Variants in AOPEP observed in about 807,000 individuals in gnomAD.
AOPEP encodes the protein aminopeptidase O.
AOPEP carries 77 observed loss-of-function variants against 98.1 expected under a neutral mutation model. The observed-to-expected ratio is 0.78, with a 90% CI of 0.65 to 0.95. AOPEP has a LOEUF of 0.95. AOPEP is among the 40% of genes least tolerant of loss of function. The probability of loss-of-function intolerance (pLI) is 0.00; values close to 1 mark genes in which losing one functional copy is unlikely to be tolerated. For synonymous variants in AOPEP, 346 were observed against 365.3 expected (o/e 0.95, Z 0.60); for missense variants, 1,024 against 1,024.7 (o/e 1.00, Z 0.01).
chr9:94,891,316 T>TA (rs2048854032), intron 5 of AOPEP, among the ~76,000 whole-genome samples: 1 of 152,226 alleles, frequency 6.6e-6, no homozygotes, highest in Non-Finnish European at 1.5e-5. Flanking sequence ...CCTATGTTGT[T>TA]ACGCTTGAAG....
intron 14 of AOPEP, among the ~76,000 whole-genome samples, chr9:95,076,046 C>T (rs530344400): frequency 5.3e-5 from 8 of 152,342 alleles, no homozygotes; most frequent in South Asian, 2.1e-4. Flanking sequence ...GGGTAGCTAC[C>T]GCTTCCATGG....
the AOPEP span, chr9:95,107,603 G>A: frequency 2.3e-6 from 1 of 431,586 alleles, no homozygotes; most frequent in South Asian, 2.4e-5. Context: ...AAGGCTCCTT[G>A]AAGACTCGCC....
intron 13 of AOPEP, chr9:95,048,977 C>T (rs546769445): frequency 1.3e-5 from 2 of 152,360 alleles, no homozygotes; most frequent in South Asian, 4.2e-4. Context: ...GGGACCTCGC[C>T]TGCACTGCCG....
chr9:94,917,841 G>A (rs1330938991), intron 5 of AOPEP, among the ~76,000 whole-genome samples: 1 of 152,008 alleles, frequency 6.6e-6, no homozygotes, highest in African/African-American at 2.4e-5. Context: ...TTTGTAATGA[G>A]CTTCCTTCGT....
At chr9:95,109,056 C>T in the AOPEP span, among the ~76,000 whole-genome samples, 2 of 152,076 alleles carry the variant, frequency 1.3e-5, no homozygotes, top group Non-Finnish European at 2.9e-5. Context: ...ACTACAGGCA[C>T]ACATTACCAT....
intron 13 of AOPEP, among the ~76,000 whole-genome samples, chr9:95,008,475 T>C (rs1446887660): frequency 6.6e-6 from 1 of 152,178 alleles, no homozygotes; most frequent in African/African-American, 2.4e-5. Context: ...CCAGGGATGT[T>C]TGTTTTCCCC....
At chr9:95,071,472 A>G (rs1388321899) in intron 14 of AOPEP, among the ~76,000 whole-genome samples, 1 of 152,206 alleles carries the variant, frequency 6.6e-6, no homozygotes, top group African/African-American at 2.4e-5. Flanking sequence ...TCATCTGCTT[A>G]TAATTTTTAA....
intron 5 of AOPEP, among the ~76,000 whole-genome samples, chr9:94,900,031 C>T (rs1030704355): frequency 6.6e-5 from 10 of 152,064 alleles, no homozygotes; most frequent in African/African-American, 2.2e-4. Context: ...TTCATGGATT[C>T]CTGTGGACTT....
the AOPEP span, among the ~76,000 whole-genome samples, chr9:95,107,967 A>G: frequency 2.0e-5 from 3 of 152,220 alleles, no homozygotes; most frequent in South Asian, 2.1e-4. Flanking sequence ...GCTTGCTACA[A>G]GAATGGTACA....
At chr9:94,729,796 C>T (rs1376827280) in intron 1 of AOPEP, among the ~76,000 whole-genome samples, 1 of 152,082 alleles carries the variant, frequency 6.6e-6, no homozygotes. Flanking sequence ...GCAAAATCAG[C>T]CCCAATTGAG....
At chr9:95,080,907 T>C in intron 15 of AOPEP, 127 bp downstream of exon 15, 1 of 728,390 alleles carries the variant, frequency 1.4e-6, no homozygotes, top group Admixed American at 2.2e-5. Context: ...TCTTAAGGAC[T>C]GGTGGGATCT....
chr9:95,025,438 G>A (rs1267511301), intron 13 of AOPEP, among the ~76,000 whole-genome samples: 1 of 152,238 alleles, frequency 6.6e-6, no homozygotes, highest in Non-Finnish European at 1.5e-5. Flanking sequence ...AGACAGACAA[G>A]AGTTGTTGAT....
chr9:94,993,658 G>A (rs914189457), intron 11 of AOPEP, among the ~76,000 whole-genome samples: 6 of 152,148 alleles, frequency 3.9e-5, no homozygotes, highest in African/African-American at 1.4e-4. Context: ...GTAGGCCGAG[G>A]GGAGTTTCAA....
intron 1 of AOPEP, among the ~76,000 whole-genome samples, chr9:94,750,611 A>C (rs1009439202): frequency 7.2e-5 from 11 of 151,974 alleles, no homozygotes; most frequent in African/African-American, 2.4e-4. Flanking sequence ...CAAAACAAAA[A>C]AAAGTTCAGG....
intron 13 of AOPEP, among the ~76,000 whole-genome samples, chr9:95,043,278 A>C (rs1175725007): frequency 4.6e-5 from 7 of 150,752 alleles, no homozygotes; most frequent in Non-Finnish European, 1.0e-4. Flanking sequence ...ATCTGTATAT[A>C]TGTACAGATA....
At chr9:94,954,330 A>G (rs922892169) in intron 7 of AOPEP, among the ~76,000 whole-genome samples, 1 of 152,002 alleles carries the variant, frequency 6.6e-6, no homozygotes, top group Non-Finnish European at 1.5e-5. Context: ...GACTCGAAGG[A>G]AAAAAAAGAC....
At chr9:94,833,742 C>T (rs945924438) in intron 5 of AOPEP, among the ~76,000 whole-genome samples, 11 of 151,962 alleles carry the variant, frequency 7.2e-5, no homozygotes, top group Non-Finnish European at 1.2e-4. Flanking sequence ...TTAAGGATAC[C>T]AGGGAATTAA....
At chr9:94,795,022 A>G (rs1268110505) in intron 4 of AOPEP, among the ~76,000 whole-genome samples, 2 of 152,238 alleles carry the variant, frequency 1.3e-5, no homozygotes. Flanking sequence ...GTTCCAAGTC[A>G]GAAACTAAGT....
chr9:94,857,648 C>T (rs2044384629), intron 5 of AOPEP, among the ~76,000 whole-genome samples: 1 of 152,094 alleles, frequency 6.6e-6, no homozygotes, highest in South Asian at 2.1e-4. Flanking sequence ...TGTCTTCAAG[C>T]AGAGTGAGTT....
Sources: allele counts gnomAD v4.1 joint callset (sites outside exome capture counted in the v4.1 genomes callset), GRCh38; gene constraint gnomAD v4.1.1; transcripts MANE v1.5; gene names NCBI Gene and HGNC (gene_info 2026-07-23, HGNC 2026-07-21).